The following OR52N4 variants were observed in gnomAD, a reference collection of about 807,000 sequenced individuals.
The protein encoded by OR52N4 is olfactory receptor 52N4.
Under a neutral mutation model 15.0 loss-of-function variants are expected in OR52N4, and 15 were observed. That is an observed-to-expected ratio of 1.00 (90% confidence interval 0.67 to 1.54). The LOEUF (loss-of-function observed/expected upper bound fraction) is 1.54. Ranked by LOEUF, OR52N4 falls within the 40% of genes most tolerant of loss-of-function variation. The pLI, the probability that OR52N4 is intolerant of heterozygous loss-of-function variation, is 0.00. For synonymous variants in OR52N4, 143 were observed against 143.7 expected (o/e 1.00, Z 0.03); for missense variants, 421 against 394.0 (o/e 1.07, Z -0.58).
the OR52N4 span, among the ~76,000 whole-genome samples, chr11:5,728,416 C>T: frequency 2.6e-5 from 4 of 152,172 alleles, no homozygotes; most frequent in Non-Finnish European, 5.9e-5. Context: ...TAACTATATC[C>T]ATGAAACTAA....
the OR52N4 span, among the ~76,000 whole-genome samples, chr11:5,735,315 T>C: frequency 1.5e-3 from 222 of 152,180 alleles, no homozygotes; most frequent in African/African-American, 5.2e-3. Context: ...CACTTCGGTT[T>C]GAGTCATATC....
the OR52N4 span, among the ~76,000 whole-genome samples, chr11:5,730,270 C>A: frequency 6.7e-6 from 1 of 149,652 alleles, no homozygotes; most frequent in Non-Finnish European, 1.5e-5. Flanking sequence ...CAGCTCACTA[C>A]CAGCTCTGCC....
At chr11:5,729,254 G>C in the OR52N4 span, among the ~76,000 whole-genome samples, 1 of 150,662 alleles carries the variant, frequency 6.6e-6, no homozygotes, top group African/African-American at 2.4e-5. Context: ...CGAGTAGCTA[G>C]GACTACAGGC....
chr11:5,728,185 G>A, the OR52N4 span, among the ~76,000 whole-genome samples: 315 of 152,262 alleles, frequency 2.1e-3, 1 homozygote, highest in Middle Eastern at 6.8e-3. Context: ...TCCCTCACAA[G>A]CAGTTTCCAA....
At position 5,755,553 on chromosome 11, in the gene OR52N4, C is replaced by A. The variant is rs750368669; in HGVS notation, c.813C>A (p.Ile271=). 8 of 1,613,770 alleles carry A rather than the reference C, an allele frequency of 5.0e-6. No individual in the cohort carries two copies. The highest frequency in any genetic ancestry group is 6.8e-6 in the Non-Finnish European group (8 of 1,179,824). ...CCCACCGCTTTGGGGAACACATAAT[C>A]CCCCCTTCTTGCCACATCATTGTAG... ...FFSHRFGEHI[I]PPSCHIIVAN... Residue 271 remains isoleucine, a synonymous_variant, in exon 2 of 2, where the codon ATC becomes ATA. Coordinates refer to ENST00000641350, the MANE Select transcript of OR52N4 (RefSeq NM_001005175.5).
the OR52N4 span, chr11:5,737,185 T>C: frequency 6.2e-7 from 1 of 1,614,062 alleles, no homozygotes; most frequent in South Asian, 1.1e-5. Flanking sequence ...TAAGTCTTAT[T>C]ATACTGTCAT....
chr11:5,737,285 A>G, the OR52N4 span: 1 of 1,613,986 alleles, frequency 6.2e-7, no homozygotes, highest in Non-Finnish European at 8.5e-7. Flanking sequence ...TCTCACCCTC[A>G]TCCTTTTCTT....
the OR52N4 span, among the ~76,000 whole-genome samples, chr11:5,739,561 C>CAAAA: frequency 1.6e-4 from 7 of 44,866 alleles, no homozygotes; most frequent in African/African-American, 2.4e-4. Context: ...GACTCTGACT[C>CAAAA]AAAAAAAAAA....
the OR52N4 span, among the ~76,000 whole-genome samples, chr11:5,745,073 A>G: frequency 6.6e-6 from 1 of 152,196 alleles, no homozygotes; most frequent in South Asian, 2.1e-4. Flanking sequence ...ATATACATCA[A>G]ACCAACAGTC....
the OR52N4 span, chr11:5,737,502 C>T: frequency 6.3e-7 from 1 of 1,594,822 alleles, no homozygotes; most frequent in Non-Finnish European, 8.5e-7. Context: ...AGACCTTCTC[C>T]ATGATGTACA....
At chr11:5,727,838 C>T in the OR52N4 span, among the ~76,000 whole-genome samples, 1 of 152,220 alleles carries the variant, frequency 6.6e-6, no homozygotes, top group Non-Finnish European at 1.5e-5. Context: ...GATATACCAG[C>T]TATCTTACCA....
chr11:5,731,000 T>A, the OR52N4 span, among the ~76,000 whole-genome samples: 1 of 152,160 alleles, frequency 6.6e-6, no homozygotes, highest in Admixed American at 6.5e-5. Flanking sequence ...GTATTTGGAA[T>A]CTGTTCCTTG....
chr11:5,745,872 C>T, the OR52N4 span, among the ~76,000 whole-genome samples: 369 of 152,228 alleles, frequency 2.4e-3, no homozygotes, highest in African/African-American at 8.2e-3. Context: ...GCTATAGTAA[C>T]CAAAACAGCA....
At chr11:5,741,419 C>T in the OR52N4 span, among the ~76,000 whole-genome samples, 5 of 152,258 alleles carry the variant, frequency 3.3e-5, no homozygotes, top group East Asian at 1.9e-4. Flanking sequence ...ATGTGATGGA[C>T]GATGATGAGT....
rs1330362215 is a variant in OR52N4 at position 5,755,492 on chromosome 11, T to C, written c.752T>C (p.Val251Ala). The C allele has an allele frequency of 8.7e-6, 14 of 1,614,006 alleles. No homozygotes were observed. Among genetic ancestry groups the C allele is most frequent in the Non-Finnish European group, 1.1e-5 (13 of 1,179,884 alleles). ...NTCTAHICAI[V>A]FSYTPAFFSF... ...TGCACTGCCCACATTTGTGCCATTG[T>C]TTTCTCCTATACTCCAGCTTTCTTC... The change falls in exon 2 of 2, where the codon GTT (valine) becomes GCT (alanine). Residue 251 changes from valine to alanine, a missense_variant. Coordinates refer to ENST00000641350, the MANE Select transcript of OR52N4 (RefSeq NM_001005175.5).
At chr11:5,738,327 C>T in the OR52N4 span, 1 of 152,218 alleles carries the variant, frequency 6.6e-6, no homozygotes, top group African/African-American at 2.4e-5. Flanking sequence ...CTCTGGCCAC[C>T]CACCTGCTAC....
At chr11:5,735,482 T>A in the OR52N4 span, among the ~76,000 whole-genome samples, 1 of 151,968 alleles carries the variant, frequency 6.6e-6, no homozygotes, top group Non-Finnish European at 1.5e-5. Context: ...AAAGATCAGA[T>A]TGCTAGCAGA....
At chr11:5,731,012 A>C in the OR52N4 span, among the ~76,000 whole-genome samples, 1 of 152,112 alleles carries the variant, frequency 6.6e-6, no homozygotes, top group Non-Finnish European at 1.5e-5. Flanking sequence ...TGTTCCTTGT[A>C]AGAGTAAGCA....
the OR52N4 span, among the ~76,000 whole-genome samples, chr11:5,742,867 A>T: frequency 6.6e-5 from 10 of 152,186 alleles, no homozygotes; most frequent in South Asian, 4.1e-4. Context: ...AATGAACATC[A>T]TGACAAGAAC....
Sources: gnomAD v4.1 joint callset for allele counts (sites outside exome capture counted in the v4.1 genomes callset) on GRCh38, gnomAD v4.1.1 for gene constraint, MANE v1.5 for transcripts, NCBI Gene and HGNC (gene_info 2026-07-23, HGNC 2026-07-21) for gene names.